Variants in MKRN2 observed in about 807,000 individuals in gnomAD.
MKRN2 encodes the protein makorin ring finger protein 2.
In MKRN2, 32 loss-of-function variants were observed where a neutral mutation model predicts 45.4. The ratio of observed to expected loss-of-function variants is 0.70; its 90% confidence interval spans 0.53 to 0.95. The LOEUF (loss-of-function observed/expected upper bound fraction) is 0.95. MKRN2 is among the 40% of genes least tolerant of loss of function. The pLI is 0.00. For missense variants in MKRN2, 526 were observed against 536.7 expected, an observed-to-expected ratio of 0.98 and a Z score of 0.20; for synonymous variants, 206 against 192.4, an observed-to-expected ratio of 1.07 and a Z score of -0.59.
chr3:12,581,935 T>A lies in MKRN2; in HGVS notation c.1096T>A (p.Ser366Thr). The A allele has an allele frequency of 6.2e-7, 1 of 1,614,150 alleles. No individual in the cohort carries two copies. Among genetic ancestry groups the A allele is most frequent in the Non-Finnish European group, 8.5e-7 (1 of 1,180,042 alleles). The change falls in exon 7 of 8, where the codon TCT (serine) becomes ACT (threonine). Residue 366 changes from serine (S) to threonine (T), a missense_variant. Ser to Thr is a moderately conservative substitution (Grantham distance 58). Transcript: ENST00000170447. ...EPEKPRKQLS[S>T]QGTVRFFNSV... ...TGAGAAACCTCGGAAACAGCTCAGT[T>A]CTCAAGGCACTGTGAGGGTAAGGAC... is the stretch of plus-strand genomic sequence containing the variant.
intron 6 of MKRN2, chr3:12,577,335 C>T (rs777954507): frequency 1.3e-5 from 2 of 152,000 alleles, no homozygotes; most frequent in East Asian, 3.9e-4. Flanking sequence ...CCAAGATGAG[C>T]GAAATTTTAG....
rs764540855 is a variant in MKRN2, at chr3:12,557,125, G to T, written c.-26G>T. ...CAGCGGCTGCGAGAGGCGGCGGCACGACGACGGTCCCTCAGCCCAGCCACC... is the reference window on the plus strand; with the variant it reads ...CAGCGGCTGCGAGAGGCGGCGGCACTACGACGGTCCCTCAGCCCAGCCACC... On this transcript the variant is annotated 5_prime_UTR_variant, in exon 1 of 8. Coordinates refer to ENST00000170447, the MANE Select transcript of MKRN2 (RefSeq NM_014160.5). 6.7e-7 allele frequency: 1 copy of T among 1,490,760 alleles called. No homozygotes were observed. The highest frequency in any genetic ancestry group is 1.3e-5 in the South Asian group (1 of 79,408). The allele number at this position is 1,490,760 out of a possible 1,614,324, so 92.3% of individuals were successfully genotyped here. A position where few individuals can be genotyped will look rare whatever the true frequency, so the allele number is the denominator to read the frequency against.
chr3:12,580,456 G>A (rs924641599), intron 6 of MKRN2, among the ~76,000 whole-genome samples: 2 of 36,330 alleles, frequency 5.5e-5, no homozygotes, highest in Non-Finnish European at 6.8e-5. Flanking sequence ...CTACCCCCCC[G>A]CCACCACCCC....
chr3:12,575,095 C>T, intron 5 of MKRN2, 89 bp downstream of exon 5: 5 of 1,224,782 alleles, frequency 4.1e-6, no homozygotes, highest in Non-Finnish European at 4.6e-6. Flanking sequence ...CCTCCGTTAC[C>T]CTCAAGAGTA....
chr3:12,575,044 A>G (rs2058122956), intron 5 of MKRN2, 38 bp downstream of exon 5: 3 of 1,573,144 alleles, frequency 1.9e-6, no homozygotes, highest in Non-Finnish European at 1.7e-6. Context: ...GGGAGCTAGG[A>G]GAATGTTTGA....
intron 4 of MKRN2, 31 bp from the exon 5 acceptor site, chr3:12,574,761 A>C: frequency 6.3e-7 from 1 of 1,596,450 alleles, no homozygotes; most frequent in Non-Finnish European, 8.6e-7. Flanking sequence ...GTGGCCCACA[A>C]CCAAAGCCTT....
At chr3:12,577,466 A>G (rs940372137) in intron 6 of MKRN2, among the ~76,000 whole-genome samples, 3 of 150,930 alleles carry the variant, frequency 2.0e-5, no homozygotes, top group Admixed American at 2.0e-4. Flanking sequence ...ATTCTTTTTC[A>G]ATCTTTTTTT....
chr3:12,572,190 T>G lies in MKRN2; in HGVS notation c.459T>G (p.Ser153Arg). ...ATTCCTACCTGGATGCCATCAGGAG[T>G]GGCCTTGATGACGTGGAGGCCAGCA... ...KPHSYLDAIR[S>R]GLDDVEASSS... The change falls in exon 4 of 8, where the codon AGT (serine) becomes AGG (arginine). Residue 153 changes from serine to arginine, a missense_variant. Coordinates refer to ENST00000170447, the MANE Select transcript of MKRN2 (RefSeq NM_014160.5). 1.9e-6 allele frequency: 3 copies of G among 1,613,156 alleles called. No homozygotes were observed. The highest frequency in any genetic ancestry group is 2.5e-6 in the Non-Finnish European group (3 of 1,179,742).
intron 3 of MKRN2, 26 bp downstream of exon 3, chr3:12,570,278 C>T (rs774030356): frequency 2.5e-6 from 4 of 1,599,674 alleles, no homozygotes; most frequent in South Asian, 2.2e-5. Context: ...CCTTTTGTTG[C>T]GTCTTTTTGC....
chr3:12,569,408 C>T (rs1250572804), intron 2 of MKRN2, among the ~76,000 whole-genome samples: 1 of 152,042 alleles, frequency 6.6e-6, no homozygotes, highest in East Asian at 1.9e-4. Context: ...GATCCTCCCG[C>T]CTCAGCTTCC....
In MKRN2 at chr3:12,570,129, A is replaced by C; in HGVS notation, c.214A>C (p.Ser72Arg). Reference protein sequence around the residue: ...AGGAVGTMAHSVPSPAFHSPH... With the variant: ...AGGAVGTMAHRVPSPAFHSPH... ...AGGTGCTGTGGGCACCATGGCCCAC[A>C]GTGTGCCCTCCCCAGCTTTCCACAG... Residue 72 changes from serine (S) to arginine (R), a missense_variant, in exon 3 of 8, where the codon AGT (serine) becomes CGT (arginine). By Grantham distance (110) the Ser-to-Arg change is moderately radical. Transcript: ENST00000170447. 1 of 1,614,086 alleles carries C rather than the reference A, an allele frequency of 6.2e-7. No homozygotes were observed. The highest frequency in any genetic ancestry group is 1.3e-5 in the African/African-American group (1 of 75,038).
intron 1 of MKRN2, among the ~76,000 whole-genome samples, chr3:12,561,725 A>G (rs1258052712): frequency 6.6e-6 from 1 of 152,132 alleles, no homozygotes; most frequent in East Asian, 1.9e-4. Flanking sequence ...TTATGAGTTT[A>G]CTAATCCTGA....
intron 1 of MKRN2, among the ~76,000 whole-genome samples, chr3:12,564,155 C>A (rs1013045600): frequency 1.3e-5 from 2 of 151,894 alleles, no homozygotes; most frequent in South Asian, 2.1e-4. Flanking sequence ...CATGTTGATC[C>A]GGCTGGTCTC....
chr3:12,579,622 A>G (rs2058164919), intron 6 of MKRN2, among the ~76,000 whole-genome samples: 2 of 152,230 alleles, frequency 1.3e-5, no homozygotes, highest in African/African-American at 2.4e-5. Flanking sequence ...TGAACCATGA[A>G]GCAGGAAGCA....
chr3:12,564,621 A>C (rs2058059583), intron 1 of MKRN2, among the ~76,000 whole-genome samples: 1 of 152,078 alleles, frequency 6.6e-6, no homozygotes. Flanking sequence ...GCTTTTTCTG[A>C]GGTATAACTT....
chr3:12,564,103 GC>G (rs1167390963), intron 1 of MKRN2, among the ~76,000 whole-genome samples: 2 of 151,744 alleles, frequency 1.3e-5, no homozygotes, highest in African/African-American at 4.8e-5. Context: ...CCACCACCAC[GC>G]CCGGCTAATT....
chr3:12,572,214 C>T lies in MKRN2; in HGVS notation c.483C>T (p.Ser161=), dbSNP rs2058104127. Reference sequence around the variant, plus strand: ...GTGGCCTTGATGACGTGGAGGCCAGCAGCTCCTACAGCAACGAGCAGCAGC... The same window carrying T: ...GTGGCCTTGATGACGTGGAGGCCAGTAGCTCCTACAGCAACGAGCAGCAGC... ...IRSGLDDVEA[S]SSYSNEQQLC... Residue 161 remains serine, a synonymous_variant, in exon 4 of 8, where the codon AGC becomes AGT. Transcript: ENST00000170447. 1 of 1,613,988 alleles carries T rather than the reference C, an allele frequency of 6.2e-7. No homozygotes were observed.
intron 2 of MKRN2, 36 bp from the exon 3 acceptor site, chr3:12,570,035 C>T (rs1575519324): frequency 6.5e-7 from 1 of 1,541,444 alleles, no homozygotes. Flanking sequence ...GTGTGGGTGG[C>T]ATGTCTGTAA....
chr3:12,576,423 T>G (rs566524595), intron 5 of MKRN2, among the ~76,000 whole-genome samples: 1 of 152,166 alleles, frequency 6.6e-6, no homozygotes, highest in South Asian at 2.1e-4. Flanking sequence ...TGTGTGATGT[T>G]CCCCCACATG....
Sources: allele counts gnomAD v4.1 joint callset (sites outside exome capture counted in the v4.1 genomes callset), GRCh38; gene constraint gnomAD v4.1.1; transcripts MANE v1.5; gene names NCBI Gene and HGNC (gene_info 2026-07-23, HGNC 2026-07-21).